Variants in ZNF846 observed in about 807,000 individuals in gnomAD.
ZNF846 encodes zinc finger protein 846.
A neutral mutation model predicts 16.0 loss-of-function variants in ZNF846; 15 were observed. The observed-to-expected ratio is 0.94, with a 90% CI of 0.63 to 1.45. ZNF846 has a LOEUF of 1.45. Among genes scored for constraint, ZNF846 ranks in the 40% most tolerant of loss-of-function variants. ZNF846 has a pLI of 0.00. For missense variants in ZNF846, 714 were observed against 622.3 expected (o/e 1.15, Z -1.57); for synonymous variants, 229 against 212.0 (o/e 1.08, Z -0.70).
downstream of ZNF846, among the ~76,000 whole-genome samples, chr19:9,754,548 G>C (rs1463529821): frequency 3.4e-5 from 4 of 116,108 alleles, no homozygotes; most frequent in South Asian, 1.2e-3. Flanking sequence ...CTGGGCGACA[G>C]AGCGAGACTC....
chr19:9,749,690 T>TA (rs56270380), downstream of ZNF846, among the ~76,000 whole-genome samples: 8 of 151,906 alleles, frequency 5.3e-5, no homozygotes, highest in African/African-American at 1.9e-4. Context: ...CCTTCTCTAG[T>TA]AAAAAATTGT....
At chr19:9,749,486 G>C (rs2045067352), downstream of ZNF846, among the ~76,000 whole-genome samples, 1 of 151,164 alleles carries the variant, frequency 6.6e-6, no homozygotes, top group African/African-American at 2.4e-5. Context: ...CTCTCTTGCA[G>C]TGGATATAAT....
chr19:9,777,707 G>C (rs12162254), intron 1 of ZNF846, among the ~76,000 whole-genome samples: 4,217 of 151,668 alleles, frequency 0.028, 142 homozygotes, highest in East Asian at 0.18. Flanking sequence ...GGAAAAACTT[G>C]AGTTTGGGGC....
chr19:9,784,920 G>C (rs2045542500), intron 1 of ZNF846, among the ~76,000 whole-genome samples: 1 of 152,214 alleles, frequency 6.6e-6, no homozygotes, highest in Non-Finnish European at 1.5e-5. Flanking sequence ...TAAGGTTACA[G>C]ATTAACAGCA....
intron 4 of ZNF846, among the ~76,000 whole-genome samples, chr19:9,760,601 T>C (rs1295420932): frequency 1.3e-5 from 2 of 150,992 alleles, no homozygotes; most frequent in East Asian, 3.9e-4. Flanking sequence ...CTCAAGTGGC[T>C]GAGTCATGAG....
chr19:9,782,571 C>T (rs535272383), intron 1 of ZNF846, among the ~76,000 whole-genome samples: 213 of 152,276 alleles, frequency 1.4e-3, no homozygotes, highest in African/African-American at 5.1e-3. Context: ...CCAGCTTTCT[C>T]TATTTTTACT....
downstream of ZNF846, among the ~76,000 whole-genome samples, chr19:9,755,350 G>A (rs116840898): frequency 6.9e-4 from 104 of 151,530 alleles, 4 homozygotes; most frequent in Non-Finnish European, 9.7e-4. Flanking sequence ...CACATAGAAA[G>A]GCAATCTCAT....
intron 1 of ZNF846, chr19:9,774,616 TC>T: frequency 6.8e-7 from 1 of 1,476,076 alleles, no homozygotes; most frequent in Non-Finnish European, 9.5e-7. Context: ...GGCTTATTGT[TC>T]CTGACAACTC....
downstream of ZNF846, chr19:9,757,421 TATG>T: frequency 7.1e-7 from 1 of 1,418,222 alleles, no homozygotes; most frequent in South Asian, 1.4e-5. Flanking sequence ...TTTACCTTCC[TATG>T]ATTTTTTTCC....
chr19:9,781,777 ATTT>A (rs112251619), intron 1 of ZNF846, among the ~76,000 whole-genome samples: 1 of 139,974 alleles, frequency 7.1e-6, no homozygotes, highest in Non-Finnish European at 1.6e-5. Flanking sequence ...AGGGCAAACA[ATTT>A]TTTTTTTTTT....
Position 9,758,492 on chromosome 19 carries a change from C to A in ZNF846, c.585G>T (p.Glu195Asp), listed in dbSNP as rs575521213. ...AACAGTCTTTGCATTCACACAATTT[C>A]TCTTGTGTGTGAGTTTTATTCTGCC... The change falls in exon 6 of 6, where the codon GAG becomes GAT. Residue 195 changes from glutamate to aspartate, a missense_variant. Physicochemically the swap from Glu to Asp is conservative, Grantham distance 45 (BLOSUM62 2). Transcript: ENST00000397902. 6.8e-6 allele frequency: 11 copies of A among 1,613,524 alleles called. No homozygotes were observed. The African/African-American group carries it at 1.2e-4, about 18-fold the overall frequency.
chr19:9,753,139 C>T (rs2045100729), downstream of ZNF846, among the ~76,000 whole-genome samples: 6 of 151,790 alleles, frequency 4.0e-5, no homozygotes, highest in South Asian at 1.2e-3. Flanking sequence ...CTCATGACTT[C>T]ATCATGTCCC....
intron 1 of ZNF846, among the ~76,000 whole-genome samples, chr19:9,782,711 G>A (rs1186282168): frequency 6.6e-6 from 1 of 152,174 alleles, no homozygotes; most frequent in African/African-American, 2.4e-5. Flanking sequence ...ACTTTGATAT[G>A]TGTCTGTTAC....
chr19:9,753,472 T>C (rs2045105085), downstream of ZNF846, among the ~76,000 whole-genome samples: 1 of 150,288 alleles, frequency 6.7e-6, no homozygotes, highest in African/African-American at 2.5e-5. Flanking sequence ...GCCAGGATGG[T>C]CTCAATCTCC....
upstream of ZNF846, among the ~76,000 whole-genome samples, chr19:9,770,907 A>C (rs903140964): frequency 5.3e-5 from 8 of 152,266 alleles, no homozygotes; most frequent in South Asian, 1.7e-3. Context: ...AGCTCAAAAA[A>C]TAAAACCTAG....
At chr19:9,782,891 C>T (rs1300125453) in intron 1 of ZNF846, among the ~76,000 whole-genome samples, 4 of 151,848 alleles carry the variant, frequency 2.6e-5, no homozygotes, top group African/African-American at 7.3e-5. Context: ...TCTACCTCTT[C>T]AAGCACTCCA....
chr19:9,749,370 G>A (rs114637728), downstream of ZNF846, among the ~76,000 whole-genome samples: 1,957 of 151,810 alleles, frequency 0.013, 37 homozygotes, highest in African/African-American at 0.045. Context: ...TCAACTACTC[G>A]TAAATGCCCT....
At chr19:9,750,471 C>A, downstream of ZNF846, among the ~76,000 whole-genome samples, 1 of 152,188 alleles carries the variant, frequency 6.6e-6, no homozygotes, top group Non-Finnish European at 1.5e-5. Context: ...TCACTACACC[C>A]TCTCACCTTT....
At chr19:9,748,636 G>T (rs1045996795), downstream of ZNF846, among the ~76,000 whole-genome samples, 25 of 152,052 alleles carry the variant, frequency 1.6e-4, no homozygotes, top group African/African-American at 6.0e-4. Flanking sequence ...TTGTTCCATT[G>T]GTCTATATCT....
Sources: gnomAD v4.1 joint callset for allele counts (sites outside exome capture counted in the v4.1 genomes callset) on GRCh38, gnomAD v4.1.1 for gene constraint, MANE v1.5 for transcripts, NCBI Gene and HGNC (gene_info 2026-07-23, HGNC 2026-07-21) for gene names.